The following CNTN4 variants were observed in gnomAD, a reference collection of about 807,000 sequenced individuals.
CNTN4 encodes the protein contactin-4.
A neutral mutation model predicts 122.5 loss-of-function variants in CNTN4; 77 were observed. That is an observed-to-expected ratio of 0.63 (90% confidence interval 0.52 to 0.76). The LOEUF is 0.76. CNTN4 is among the 30% of genes least tolerant of loss of function. The pLI, the probability that CNTN4 is intolerant of heterozygous loss-of-function variation, is 0.00. For synonymous variants in CNTN4, 512 were observed against 447.0 expected, an observed-to-expected ratio of 1.15 and a Z score of -1.83; for missense variants, 1,256 against 1,259.1, an observed-to-expected ratio of 1.00 and a Z score of 0.04.
chr3:2,911,703 G>A (rs2094301556), intron 12 of CNTN4, among the ~76,000 whole-genome samples: 1 of 140,640 alleles, frequency 7.1e-6, no homozygotes, highest in Non-Finnish European at 1.5e-5. Flanking sequence ...AATGATGCAT[G>A]AACAAAATGA....
At chr3:2,105,401 A>G (rs2032354303) in intron 2 of CNTN4, among the ~76,000 whole-genome samples, 1 of 152,178 alleles carries the variant, frequency 6.6e-6, no homozygotes, top group Admixed American at 6.5e-5. Context: ...GAACTGCCTG[A>G]GACTGGGTAA....
chr3:2,815,276 A>G (rs571750319), intron 6 of CNTN4, among the ~76,000 whole-genome samples: 1 of 152,334 alleles, frequency 6.6e-6, no homozygotes, highest in South Asian at 2.1e-4. Context: ...GCATGGCAAA[A>G]GGAACAGTCA....
intron 3 of CNTN4, among the ~76,000 whole-genome samples, chr3:2,434,035 A>G (rs1261569401): frequency 1.3e-5 from 2 of 152,162 alleles, no homozygotes; most frequent in Non-Finnish European, 2.9e-5. Flanking sequence ...ATGTTGATCA[A>G]AGGGTGCAAA....
intron 3 of CNTN4, among the ~76,000 whole-genome samples, chr3:2,485,292 C>T (rs755339208): frequency 1.1e-4 from 17 of 152,204 alleles, no homozygotes; most frequent in Non-Finnish European, 1.6e-4. Flanking sequence ...CTGAGGAGGG[C>T]GGGCACGCGG....
intron 3 of CNTN4, among the ~76,000 whole-genome samples, chr3:2,537,258 A>G (rs997479504): frequency 6.6e-6 from 1 of 152,218 alleles, no homozygotes; most frequent in Admixed American, 6.5e-5. Context: ...TGTTTGAGTC[A>G]CAGAGGTTCC....
intron 6 of CNTN4, among the ~76,000 whole-genome samples, chr3:2,760,656 C>T (rs2090545835): frequency 6.6e-6 from 1 of 152,160 alleles, no homozygotes; most frequent in South Asian, 2.1e-4. Flanking sequence ...AAATATGATG[C>T]TCACATCGCA....
At chr3:2,345,005 C>T (rs1225671140) in intron 3 of CNTN4, among the ~76,000 whole-genome samples, 1 of 152,166 alleles carries the variant, frequency 6.6e-6, no homozygotes, top group Non-Finnish European at 1.5e-5. Context: ...GACAGAGAAA[C>T]ATGATTTTTA....
In CNTN4 at chr3:2,126,251, T is replaced by C. The variant is rs112749833; in HGVS notation, c.-145+25612T>C. 2.4e-3 allele frequency among the ~76,000 whole-genome samples: 371 copies of C among 152,272 alleles called. 1 individual carries two copies. Among genetic ancestry groups the C allele is most frequent in the African/African-American group, 8.6e-3 (358 of 41,554 alleles). On this transcript the variant is annotated intron_variant, in intron 2 of 24. Transcript: ENST00000418658. ...AATTAAAAAATAAATCTCTACTATA[T>C]GTTAGGATGTCCATACTGCATATAG... is the stretch of plus-strand genomic sequence containing the variant.
intron 7 of CNTN4, among the ~76,000 whole-genome samples, chr3:2,833,164 G>A (rs1248821475): frequency 6.6e-6 from 1 of 152,110 alleles, no homozygotes; most frequent in East Asian, 1.9e-4. Context: ...CTGTGCTTTT[G>A]GTCAAGTACA....
At chr3:2,449,959 T>C (rs1265180962) in intron 3 of CNTN4, among the ~76,000 whole-genome samples, 1 of 152,144 alleles carries the variant, frequency 6.6e-6, no homozygotes, top group Admixed American at 6.6e-5. Context: ...GAAATGGGAA[T>C]TGTTGTTCAA....
At chr3:2,239,987 C>A in intron 2 of CNTN4, among the ~76,000 whole-genome samples, 1 of 152,188 alleles carries the variant, frequency 6.6e-6, no homozygotes. Context: ...TCTCTTCCTG[C>A]ATAGGTTGCA....
chr3:2,270,491 A>G (rs747389314), intron 2 of CNTN4, among the ~76,000 whole-genome samples: 6 of 151,682 alleles, frequency 4.0e-5, no homozygotes, highest in Admixed American at 6.6e-5. Flanking sequence ...ATGTTAATAC[A>G]TCACTTGGCT....
At chr3:2,641,252 CAT>C (rs1217620732) in intron 4 of CNTN4, among the ~76,000 whole-genome samples, 1 of 151,860 alleles carries the variant, frequency 6.6e-6, no homozygotes, top group Non-Finnish European at 1.5e-5. Flanking sequence ...TCCAGTGTGA[CAT>C]GTGAGTATTA....
chr3:2,307,538 T>C (rs982228369), intron 2 of CNTN4, among the ~76,000 whole-genome samples: 1 of 152,190 alleles, frequency 6.6e-6, no homozygotes, highest in African/African-American at 2.4e-5. Context: ...AGCTGTGAGA[T>C]GCCCATTTCT....
chr3:2,821,824 A>G (rs2092882162), intron 7 of CNTN4, among the ~76,000 whole-genome samples: 1 of 152,198 alleles, frequency 6.6e-6, no homozygotes, highest in African/African-American at 2.4e-5. Flanking sequence ...AATATCTGCT[A>G]TTCTTGTTAT....
chr3:2,576,696 T>C (rs2619568), intron 4 of CNTN4, among the ~76,000 whole-genome samples: 152,181 of 152,192 alleles, frequency 1, 76,085 homozygotes, highest in Non-Finnish European at 1. Flanking sequence ...TACAGGTGCC[T>C]ACCACCACGC....
At chr3:2,643,160 A>T (rs999432482) in intron 4 of CNTN4, among the ~76,000 whole-genome samples, 3 of 152,162 alleles carry the variant, frequency 2.0e-5, no homozygotes, top group Non-Finnish European at 4.4e-5. Flanking sequence ...ATTTGCTCTT[A>T]GAAAGCTTTT....
At chr3:2,835,983 C>G (rs898739926) in intron 7 of CNTN4, among the ~76,000 whole-genome samples, 1 of 151,936 alleles carries the variant, frequency 6.6e-6, no homozygotes, top group African/African-American at 2.4e-5. Flanking sequence ...CTCTCCAAAT[C>G]TAATCAAGAA....
chr3:2,166,324 A>G (rs1037065729), intron 2 of CNTN4, among the ~76,000 whole-genome samples: 5 of 152,114 alleles, frequency 3.3e-5, no homozygotes, highest in African/African-American at 9.6e-5. Flanking sequence ...ATTTTTGATA[A>G]TAATTATTAT....
Sources: gnomAD v4.1 joint callset for allele counts (sites outside exome capture counted in the v4.1 genomes callset) on GRCh38, gnomAD v4.1.1 for gene constraint, MANE v1.5 for transcripts, NCBI Gene and HGNC (gene_info 2026-07-23, HGNC 2026-07-21) for gene names.